The following USP14 variants were observed in gnomAD, a reference collection of about 807,000 sequenced individuals.
USP14 encodes the protein ubiquitin specific peptidase 14.
USP14 carries 38 observed loss-of-function variants against 76.5 expected under a neutral mutation model. The ratio of observed to expected loss-of-function variants is 0.50; its 90% CI spans 0.38 to 0.65. USP14 has a LOEUF of 0.65. Among genes scored for constraint, USP14 ranks in the 30% least tolerant of loss-of-function variants. The pLI, the probability that USP14 is intolerant of heterozygous loss-of-function variation, is 0.00. For synonymous variants in USP14, 192 were observed against 191.7 expected, an observed-to-expected ratio of 1.00 and a Z score of -0.01; for missense variants, 467 against 586.5, an observed-to-expected ratio of 0.80 and a Z score of 2.10.
intron 15 of USP14, 42 bp downstream of exon 15, chr18:210,535 C>T (rs1910642889): frequency 7.1e-7 from 1 of 1,404,016 alleles, no homozygotes; most frequent in Admixed American, 2.0e-5. Flanking sequence ...ATTATTTTAA[C>T]AGTTCATTTA....
At chr18:193,276 G>A (rs1910141478) in intron 6 of USP14, among the ~76,000 whole-genome samples, 1 of 152,080 alleles carries the variant, frequency 6.6e-6, no homozygotes, top group Non-Finnish European at 1.5e-5. Context: ...TGTGTGTGAG[G>A]AGAAATAGTA....
At chr18:173,659 G>C (rs968111285) in intron 3 of USP14, among the ~76,000 whole-genome samples, 2 of 151,218 alleles carry the variant, frequency 1.3e-5, no homozygotes, top group African/African-American at 4.9e-5. Context: ...CTGACCTCAG[G>C]TGATCCGCCC....
intron 5 of USP14, among the ~76,000 whole-genome samples, chr18:182,078 G>A (rs1909802495): frequency 1.3e-5 from 2 of 152,042 alleles, no homozygotes; most frequent in African/African-American, 4.8e-5. Flanking sequence ...TTATATATAT[G>A]TCTATCCTTA....
chr18:210,075 T>C, intron 14 of USP14, 44 bp downstream of exon 14: 1 of 1,452,356 alleles, frequency 6.9e-7, no homozygotes, highest in Non-Finnish European at 9.4e-7. Flanking sequence ...TATGTGGGTC[T>C]TTTTAAGGTA....
chr18:161,198 GATT>G (rs781626354), intron 1 of USP14, among the ~76,000 whole-genome samples: 111 of 152,318 alleles, frequency 7.3e-4, no homozygotes, highest in Admixed American at 1.1e-3. Flanking sequence ...AAAGTGCTGG[GATT>G]ACAGGCATGA....
intron 5 of USP14, among the ~76,000 whole-genome samples, chr18:183,697 C>A (rs528591192): frequency 6.7e-6 from 1 of 150,240 alleles, no homozygotes; most frequent in African/African-American, 2.4e-5. Flanking sequence ...ATTTTTGGAT[C>A]TAAATCCTGC....
chr18:181,656 A>G (rs1361364734), intron 5 of USP14, among the ~76,000 whole-genome samples: 1 of 151,936 alleles, frequency 6.6e-6, no homozygotes, highest in Admixed American at 6.6e-5. Flanking sequence ...TTTTTTTCCT[A>G]AGTCTGTTGT....
At chr18:201,666 C>G (rs1226828496) in intron 10 of USP14, among the ~76,000 whole-genome samples, 1 of 152,160 alleles carries the variant, frequency 6.6e-6, no homozygotes, top group Non-Finnish European at 1.5e-5. Context: ...GATATACCAG[C>G]AAATGAAGTC....
intron 12 of USP14, among the ~76,000 whole-genome samples, chr18:204,332 A>G (rs995296921): frequency 6.6e-6 from 1 of 152,142 alleles, no homozygotes; most frequent in Non-Finnish European, 1.5e-5. Flanking sequence ...GGGTTAGAGT[A>G]TTTAATGGAA....
chr18:195,493 A>G (rs1567833684), intron 6 of USP14, among the ~76,000 whole-genome samples: 1 of 152,214 alleles, frequency 6.6e-6, no homozygotes, highest in Non-Finnish European at 1.5e-5. Flanking sequence ...CTGTACATGA[A>G]GGAGGGCAAG....
chr18:213,532 T>C lies in USP14; in HGVS notation c.*2248T>C, dbSNP rs1165945279. 6.6e-6 allele frequency: 1 copy of C among 150,940 alleles called. No homozygotes were observed. The highest frequency in any genetic ancestry group is 1.5e-5 in the Non-Finnish European group (1 of 67,610). 9.4% of individuals were successfully genotyped at this position (150,940 alleles called of 1,614,324 possible). The stretch of plus-strand genomic sequence containing the variant: ...GAGGAGTAGGCCAAAAAAAAAAAAG[T>C]CTTGATTCCTGAATGTGCCTTATAT... On this transcript the variant is annotated 3_prime_UTR_variant, in exon 16 of 16. Coordinates refer to ENST00000261601, the MANE Select transcript of USP14 (RefSeq NM_005151.4).
In USP14 at chr18:214,475, A is replaced by G. The variant is rs577085107; in HGVS notation, c.*3191A>G. 19 of 653,858 alleles carry G rather than the reference A, an allele frequency of 2.9e-5. No individual in the cohort carries two copies. Among genetic ancestry groups the G allele is most frequent in the African/African-American group, 2.0e-4 (11 of 54,966 alleles). 40.5% of individuals were successfully genotyped at this position (653,858 alleles called of 1,614,324 possible). On this transcript the variant is annotated 3_prime_UTR_variant, in exon 16 of 16. Coordinates refer to ENST00000261601, the MANE Select transcript of USP14 (RefSeq NM_005151.4). ...CCTCCCCAAACTCTGGTTTGAGCCA[A>G]TATGTGTTCTATTGTTCTCAGAGCA...
At chr18:166,109 G>T (rs1909264274) in intron 2 of USP14, among the ~76,000 whole-genome samples, 1 of 152,128 alleles carries the variant, frequency 6.6e-6, no homozygotes, top group Non-Finnish European at 1.5e-5. Context: ...ACGTAAGCTT[G>T]TTATTTATTA....
Position 214,327 on chromosome 18 carries a change from G to A in USP14, c.*3043G>A. 1 of 241,818 alleles carries A rather than the reference G, an allele frequency of 4.1e-6. No individual in the cohort carries two copies. The highest frequency in any genetic ancestry group is 2.3e-5 in the African/African-American group (1 of 43,882). 15.0% of individuals were successfully genotyped at this position (241,818 alleles called of 1,614,324 possible). ...AAACAACACACAGGAAACTAATTTGGTATAAGAAACGACATATCCCTAAAT... is the reference window on the plus strand; with the variant it reads ...AAACAACACACAGGAAACTAATTTGATATAAGAAACGACATATCCCTAAAT... On this transcript the variant is annotated 3_prime_UTR_variant, in exon 16 of 16. Coordinates refer to ENST00000261601, the MANE Select transcript of USP14 (RefSeq NM_005151.4).
At chr18:194,038 A>G (rs1215100699) in intron 6 of USP14, among the ~76,000 whole-genome samples, 1 of 152,098 alleles carries the variant, frequency 6.6e-6, no homozygotes, top group African/African-American at 2.4e-5. Context: ...ACCGTTTTAC[A>G]TTTCCCCCAG....
In USP14 at chr18:189,904, C is replaced by G. The variant is rs190444428; in HGVS notation, c.405-2938C>G. On this transcript the variant is annotated intron_variant, in intron 5 of 15. Coordinates refer to ENST00000261601, the MANE Select transcript of USP14 (RefSeq NM_005151.4). ...AAATAAAGGCAGAACCCTTCTAGCA[C>G]TCTAAAAATCCCCTCACAGATCTTA... Among the ~76,000 whole-genome samples, 176 of 152,320 alleles carry G rather than the reference C, an allele frequency of 1.2e-3. 1 individual carries two copies. Among genetic ancestry groups the G allele is most frequent in the Middle Eastern group, 3.4e-3 (1 of 294 alleles).
chr18:178,963 G>C lies in USP14; in HGVS notation c.226G>C (p.Asp76His), dbSNP rs1394425994. ...GACTCTACTAATGATGGGGTCAGCA[G>C]ATGCTCTTCCAGAAGAACCCTCAGC... ...GMTLLMMGSA[D>H]ALPEEPSAKT... is the part of the protein sequence containing the mutation. The change falls in exon 4 of 16, where the codon GAT becomes CAT. Residue 76 changes from aspartate (D) to histidine (H), a missense_variant. Physicochemically the swap from Asp to His is moderately conservative, Grantham distance 81. Transcript: ENST00000261601. 2 of 1,613,192 alleles carry C rather than the reference G, an allele frequency of 1.2e-6. No homozygotes were observed. The highest frequency in any genetic ancestry group is 1.7e-5 in the Admixed American group (1 of 59,826).
intron 9 of USP14, 123 bp downstream of exon 9, chr18:198,255 GA>G: frequency 1.2e-6 from 1 of 854,420 alleles, no homozygotes; most frequent in Non-Finnish European, 1.7e-6. Context: ...TTTTTTCTTT[GA>G]GACGGAGTTT....
At chr18:202,193 G>GTA (rs1444374002) in intron 10 of USP14, among the ~76,000 whole-genome samples, 1 of 152,180 alleles carries the variant, frequency 6.6e-6, no homozygotes, top group Admixed American at 6.5e-5. Flanking sequence ...TAAATGTAGA[G>GTA]TATATGCCAA....
Sources: gnomAD v4.1 joint callset for allele counts (sites outside exome capture counted in the v4.1 genomes callset) on GRCh38, gnomAD v4.1.1 for gene constraint, MANE v1.5 for transcripts, NCBI Gene and HGNC (gene_info 2026-07-23, HGNC 2026-07-21) for gene names.